The following CHTOP variants were observed in gnomAD, a reference collection of about 807,000 sequenced individuals.
The protein encoded by CHTOP is chromatin target of PRMT1 protein.
CHTOP carries 18 observed loss-of-function variants against 33.6 expected under a neutral mutation model. That is an observed-to-expected ratio of 0.54 (90% CI 0.37 to 0.80). The LOEUF is 0.80. Among genes scored for constraint, CHTOP ranks in the 30% least tolerant of loss-of-function variants. The probability of loss-of-function intolerance (pLI) is 0.00; values close to 1 mark genes in which losing one functional copy is unlikely to be tolerated. For missense variants in CHTOP, 263 were observed against 336.8 expected (o/e 0.78, Z 1.71); for synonymous variants, 117 against 127.7 (o/e 0.92, Z 0.56).
chr1:153,643,137 T>C lies in CHTOP; in HGVS notation c.404-90T>C, dbSNP rs1668687490. 17 of 1,508,228 alleles carry C rather than the reference T, an allele frequency of 1.1e-5. No individual in the cohort carries two copies. The South Asian group carries it at 1.8e-4, about 16-fold the overall frequency. The allele number at this position is 1,508,228 out of a possible 1,614,324, so 93.4% of individuals were successfully genotyped here. ...AACCTAAAAACTAACTGAATTACCT[T>C]CATTTAACCCTCACCGCCTTCCTTT... On this transcript the variant is annotated intron_variant, in intron 4 of 5. Transcript: ENST00000368694.
chr1:153,636,566 T>C lies in CHTOP; in HGVS notation c.-17-6T>C, dbSNP rs1426300574. ...ATTTGCTCATTTTACGTATTGTTCT[T>C]TGTAGATTCTCGGGATTCGAAGATG... On this transcript the variant is annotated splice_region_variant and splice_polypyrimidine_tract_variant and intron_variant, in intron 1 of 5. Transcript: ENST00000368694. 6.2e-7 allele frequency: 1 copy of C among 1,609,872 alleles called. No individual in the cohort carries two copies. Among genetic ancestry groups the C allele is most frequent in the Non-Finnish European group, 8.5e-7 (1 of 1,176,554 alleles).
At chr1:153,641,985 G>A (rs568762598) in intron 3 of CHTOP, among the ~76,000 whole-genome samples, 14 of 152,328 alleles carry the variant, frequency 9.2e-5, no homozygotes, top group Admixed American at 9.1e-4. Context: ...AACTAGTGAG[G>A]TAATTTGTGG....
chr1:153,641,310 A>G (rs564970076), intron 3 of CHTOP, among the ~76,000 whole-genome samples: 1 of 152,336 alleles, frequency 6.6e-6, no homozygotes, highest in African/African-American at 2.4e-5. Flanking sequence ...CAGGCTTACT[A>G]GGAGCTTGGT....
At chr1:153,644,317 T>C (rs994897916) in intron 5 of CHTOP, 3 of 152,228 alleles carry the variant, frequency 2.0e-5, no homozygotes, top group Non-Finnish European at 2.9e-5. Flanking sequence ...TTCCAAATTA[T>C]CTTGACTTGG....
In CHTOP at chr1:153,645,094, G is replaced by A. The variant is rs748455930; in HGVS notation, c.572G>A (p.Gly191Asp). Residue 191 changes from glycine (G) to aspartate (D), a missense_variant, in exon 6 of 6, where the codon GGC becomes GAC. Physicochemically the swap from Gly to Asp is moderately conservative, Grantham distance 94. Transcript: ENST00000368694. ...GGTATGATAGGTCGGGGAAGAGGGGGCTTTGGAGGCCGAGGCCGAGGCCGT... is the reference window on the plus strand; with the variant it reads ...GGTATGATAGGTCGGGGAAGAGGGGACTTTGGAGGCCGAGGCCGAGGCCGT... The part of the protein sequence containing the change: ...GRGMIGRGRG[G>D]FGGRGRGRGR... The A allele has an allele frequency of 1.2e-6, 2 of 1,613,374 alleles. No homozygotes were observed. The highest frequency in any genetic ancestry group is 2.2e-5 in the South Asian group (2 of 91,054).
chr1:153,641,138 A>G (rs972623807), intron 3 of CHTOP, among the ~76,000 whole-genome samples: 2 of 152,228 alleles, frequency 1.3e-5, no homozygotes, highest in African/African-American at 4.8e-5. Flanking sequence ...ATGAGAAGCA[A>G]TTTATGATCT....
At chr1:153,644,981 C>G in intron 5 of CHTOP, 83 bp from the exon 6 acceptor site, 2 of 1,292,610 alleles carry the variant, frequency 1.5e-6, no homozygotes, top group Non-Finnish European at 1.1e-6. Context: ...CTAGGCCCCA[C>G]TGCTCTAAGG....
chr1:153,644,833 A>G (rs1668750043), intron 5 of CHTOP, among the ~76,000 whole-genome samples: 1 of 152,222 alleles, frequency 6.6e-6, no homozygotes, highest in Non-Finnish European at 1.5e-5. Flanking sequence ...ATAGAATAAA[A>G]TTTGTTAAAA....
At chr1:153,641,734 A>G (rs747223588) in intron 3 of CHTOP, among the ~76,000 whole-genome samples, 7 of 152,198 alleles carry the variant, frequency 4.6e-5, no homozygotes, top group African/African-American at 7.2e-5. Flanking sequence ...TGAGAAATCA[A>G]TCTTGTTCTT....
chr1:153,638,974 G>A (rs188900740), intron 3 of CHTOP, among the ~76,000 whole-genome samples: 9 of 151,756 alleles, frequency 5.9e-5, no homozygotes, highest in Admixed American at 2.6e-4. Flanking sequence ...TCCGCCTCCC[G>A]GGTCCATACC....
intron 3 of CHTOP, among the ~76,000 whole-genome samples, chr1:153,639,018 C>T (rs987054964): frequency 3.9e-5 from 6 of 151,928 alleles, no homozygotes; most frequent in African/African-American, 1.5e-4. Context: ...ACAGCTGGGA[C>T]TAAAGGTGCC....
At chr1:153,641,479 G>C (rs775623675) in intron 3 of CHTOP, among the ~76,000 whole-genome samples, 1 of 152,202 alleles carries the variant, frequency 6.6e-6, no homozygotes. Flanking sequence ...GTGATCACCT[G>C]AATAATTCTA....
chr1:153,642,198 T>C, intron 3 of CHTOP, 48 bp from the exon 4 acceptor site: 1 of 1,517,186 alleles, frequency 6.6e-7, no homozygotes, highest in Non-Finnish European at 9.0e-7. Context: ...CAAATCCTGT[T>C]GGATTGCTTT....
intron 4 of CHTOP, chr1:153,642,988 A>G (rs1197523340): frequency 2.0e-6 from 1 of 509,836 alleles, no homozygotes; most frequent in African/African-American, 2.0e-5. Context: ...GATATTTATT[A>G]AATGTATGTA....
rs564420964 is a variant in CHTOP at position 153,643,005 on chromosome 1, A to G, written c.404-222A>G. On this transcript the variant is annotated intron_variant, in intron 4 of 5. Coordinates refer to ENST00000368694, the MANE Select transcript of CHTOP (RefSeq NM_015607.4). The stretch of plus-strand genomic sequence containing the variant: ...TATTTATTAAATGTATGTACTTACT[A>G]ATTGAATTAACTCCCAACTTCCAAA... 5.3e-6 allele frequency: 3 copies of G among 568,010 alleles called. No individual in the cohort carries two copies. In the East Asian group the frequency reaches 9.4e-5, roughly 18 times the overall value. The allele number at this position is 568,010 out of a possible 1,614,324, so 35.2% of individuals were successfully genotyped here. A position where few individuals can be genotyped will look rare whatever the true frequency, so the allele number is the denominator to read the frequency against.
chr1:153,645,233 C>T lies in CHTOP; in HGVS notation c.711C>T (p.Ala237=), dbSNP rs1364814864. Residue 237 remains alanine (A), a synonymous_variant, in exon 6 of 6, where the codon GCC becomes GCT. Transcript: ENST00000368694. ...GACACCTGGATGCTGAGTTGGATGC[C>T]TACATGGCGCAGACAGATCCCGAAA... ...TKGHLDAELD[A]YMAQTDPETN... 1.2e-6 allele frequency: 2 copies of T among 1,614,050 alleles called. No individual in the cohort carries two copies. Among genetic ancestry groups the T allele is most frequent in the African/African-American group, 2.7e-5 (2 of 74,920 alleles).
chr1:153,638,547 CAG>C, intron 3 of CHTOP, 99 bp downstream of exon 3: 1 of 1,417,082 alleles, frequency 7.1e-7, no homozygotes, highest in Non-Finnish European at 9.9e-7. Context: ...CAAAGTGGCT[CAG>C]GGCAAAAAGC....
intron 3 of CHTOP, 156 bp downstream of exon 3, chr1:153,638,604 T>C (rs1668497025): frequency 9.6e-6 from 8 of 834,452 alleles, no homozygotes. Context: ...ATTCCAATTT[T>C]GGCAGGTACC....
chr1:153,642,460 G>T (rs1424892980), intron 4 of CHTOP, 31 bp downstream of exon 4: 2 of 1,541,616 alleles, frequency 1.3e-6, no homozygotes, highest in Admixed American at 3.8e-5. Context: ...TAATTGTCGG[G>T]CCCTACTCCC....
Sources: gnomAD v4.1 joint callset for allele counts (sites outside exome capture counted in the v4.1 genomes callset) on GRCh38, gnomAD v4.1.1 for gene constraint, MANE v1.5 for transcripts, NCBI Gene and HGNC (gene_info 2026-07-23, HGNC 2026-07-21) for gene names.